The following TEX2 variants were observed in gnomAD, a reference collection of about 807,000 sequenced individuals.
TEX2 encodes testis-expressed protein 2.
Under a neutral mutation model 106.9 loss-of-function variants are expected in TEX2, and 53 were observed. The observed-to-expected ratio is 0.50, with a 90% CI of 0.40 to 0.62. The LOEUF (loss-of-function observed/expected upper bound fraction) is 0.62, where lower values mean the gene tolerates loss of function less well. Among genes scored for constraint, TEX2 ranks in the 20% least tolerant of loss-of-function variants. The pLI, the probability that TEX2 is intolerant of heterozygous loss-of-function variation, is 0.00. For missense variants in TEX2, 1,207 were observed against 1,379.0 expected, an observed-to-expected ratio of 0.88 and a Z score of 1.98; for synonymous variants, 523 against 534.8, an observed-to-expected ratio of 0.98 and a Z score of 0.30.
At chr17:64,187,269 C>T (rs538178679) in intron 5 of TEX2, among the ~76,000 whole-genome samples, 5 of 152,224 alleles carry the variant, frequency 3.3e-5, no homozygotes, top group East Asian at 1.9e-4. Context: ...TGGGCATAGC[C>T]GAGGAGACTG....
At chr17:64,221,934 T>C (rs569669230) in intron 1 of TEX2, among the ~76,000 whole-genome samples, 23 of 152,182 alleles carry the variant, frequency 1.5e-4, no homozygotes, top group Non-Finnish European at 1.9e-4. Context: ...AAATACTGTA[T>C]GATTCCACTT....
intron 9 of TEX2, 36 bp downstream of exon 9, chr17:64,154,806 G>A: frequency 6.5e-7 from 1 of 1,533,790 alleles, no homozygotes; most frequent in Non-Finnish European, 8.8e-7. Context: ...CCTGATCCCT[G>A]GAGACTCAGA....
chr17:64,233,186 AAC>A (rs1293858036), intron 1 of TEX2, among the ~76,000 whole-genome samples: 2 of 152,144 alleles, frequency 1.3e-5, no homozygotes, highest in Non-Finnish European at 2.9e-5. Context: ...CCCACCCCCA[AAC>A]ACACACACAT....
chr17:64,160,767 G>A lies in TEX2; in HGVS notation c.2804+34C>T, dbSNP rs746851153. 16 of 1,610,962 alleles carry A rather than the reference G, an allele frequency of 9.9e-6. No individual in the cohort carries two copies. The East Asian group carries it at 1.3e-4, about 13-fold the overall frequency. Reference sequence around the variant, plus strand: ...CTGGAGGGAGAAGCTGGTGCCCCAGGATTGGATTAGTAAATTCATATATAG... The same window carrying A: ...CTGGAGGGAGAAGCTGGTGCCCCAGAATTGGATTAGTAAATTCATATATAG... On this transcript the variant is annotated intron_variant, in intron 8 of 11. Transcript: ENST00000584379.
intron 1 of TEX2, among the ~76,000 whole-genome samples, chr17:64,258,730 C>T (rs970551121): frequency 6.6e-6 from 1 of 151,238 alleles, no homozygotes; most frequent in African/African-American, 2.4e-5. Context: ...GGGGATGGCA[C>T]TAAGAAATCA....
intron 5 of TEX2, among the ~76,000 whole-genome samples, chr17:64,181,953 A>G (rs1468422032): frequency 6.6e-6 from 1 of 152,060 alleles, no homozygotes; most frequent in African/African-American, 2.4e-5. Context: ...TACCCTTAAG[A>G]TGCACTAATT....
chr17:64,239,904 A>AAAAAAAAAAAG lies in TEX2; in HGVS notation c.-26+23263_-26+23264insCTTTTTTTTTT, dbSNP rs781859721. Among the ~76,000 whole-genome samples, 321 of 118,830 alleles carry AAAAAAAAAAAG rather than the reference A, an allele frequency of 2.7e-3. 19 individuals carry two copies. Among genetic ancestry groups the AAAAAAAAAAAG allele is most frequent in the South Asian group, 7.3e-3 (26 of 3,582 alleles). The allele number at this position is 118,830 out of a possible 152,430, so 78.0% of individuals were successfully genotyped here. On this transcript the variant is annotated intron_variant, in intron 1 of 11. Coordinates refer to ENST00000584379, the MANE Select transcript of TEX2 (RefSeq NM_001288732.2). ...AAAAAAAAAAAAAAAAAAAAAAAAA[A>AAAAAAAAAAAG]GCAGAGAAGATAAGAGAAGAGAAAT...
At chr17:64,163,061 C>A (rs968629787) in intron 7 of TEX2, among the ~76,000 whole-genome samples, 1 of 152,078 alleles carries the variant, frequency 6.6e-6, no homozygotes, top group Non-Finnish European at 1.5e-5. Flanking sequence ...CTCATGAGAC[C>A]CACTCACAGG....
rs2030482600 is a variant in TEX2 at position 64,153,842 on chromosome 17, G to A, written c.2931-688C>T. On this transcript the variant is annotated intron_variant, in intron 9 of 11. Transcript: ENST00000584379. The surrounding 1 kb of genome is among the most constrained non-coding windows in gnomAD (Gnocchi z 4.1). ...AGCTACTCGGGAGGCTAAAATGGGAGGATCACTTGAGCCCAGGAGGTTGAG... is the reference window on the plus strand; with the variant it reads ...AGCTACTCGGGAGGCTAAAATGGGAAGATCACTTGAGCCCAGGAGGTTGAG... 6.6e-6 allele frequency among the ~76,000 whole-genome samples: 1 copy of A among 152,208 alleles called. No individual in the cohort carries two copies. Among genetic ancestry groups the A allele is most frequent in the South Asian group, 2.1e-4 (1 of 4,834 alleles).
intron 10 of TEX2, among the ~76,000 whole-genome samples, chr17:64,151,833 A>T (rs1360000912): frequency 6.6e-6 from 1 of 152,150 alleles, no homozygotes; most frequent in East Asian, 1.9e-4. Flanking sequence ...AACTATTAAA[A>T]TTTTTTTAAG....
intron 7 of TEX2, among the ~76,000 whole-genome samples, chr17:64,167,637 G>A (rs1290994036): frequency 2.0e-5 from 3 of 151,992 alleles, no homozygotes; most frequent in Admixed American, 1.3e-4. Flanking sequence ...TGGCCAACAG[G>A]GAGAAACCCC....
intron 1 of TEX2, among the ~76,000 whole-genome samples, chr17:64,233,356 G>A (rs1703203846): frequency 1.3e-5 from 2 of 152,162 alleles, no homozygotes; most frequent in Admixed American, 6.5e-5. Flanking sequence ...GGTGGATCAC[G>A]AGGTCAGGAG....
At chr17:64,247,021 T>C (rs1006530261) in intron 1 of TEX2, among the ~76,000 whole-genome samples, 18 of 151,822 alleles carry the variant, frequency 1.2e-4, no homozygotes, top group African/African-American at 3.6e-4. Context: ...TGTAATTCTG[T>C]AATCCCAGCA....
At chr17:64,218,513 G>A (rs1366777196) in intron 1 of TEX2, among the ~76,000 whole-genome samples, 1 of 149,548 alleles carries the variant, frequency 6.7e-6, no homozygotes, top group African/African-American at 2.5e-5. Flanking sequence ...CCGCCTCCCA[G>A]GTTCAAGTGA....
At chr17:64,215,596 C>A (rs1202758839) in intron 1 of TEX2, among the ~76,000 whole-genome samples, 1 of 152,160 alleles carries the variant, frequency 6.6e-6, no homozygotes, top group African/African-American at 2.4e-5. Context: ...CTTTCTACAG[C>A]TGACTCTGTG....
intron 4 of TEX2, among the ~76,000 whole-genome samples, chr17:64,189,995 AAAAG>A (rs57599304): frequency 0.12 from 18,302 of 150,068 alleles, 1,363 homozygotes; most frequent in African/African-American, 0.22. Context: ...AAAAAAAAAA[AAAAG>A]AAAGAAAGAA....
intron 1 of TEX2, 131 bp from the exon 2 acceptor site, chr17:64,214,373 T>C: frequency 8.1e-6 from 6 of 740,782 alleles, no homozygotes; most frequent in Non-Finnish European, 1.3e-5. Flanking sequence ...ATGTCCACCG[T>C]TTTTCACTTC....
At chr17:64,211,106 G>A (rs1381787770) in intron 2 of TEX2, among the ~76,000 whole-genome samples, 4 of 152,078 alleles carry the variant, frequency 2.6e-5, no homozygotes, top group Non-Finnish European at 5.9e-5. Flanking sequence ...GATTACAGGT[G>A]CACGCCACCA....
chr17:64,201,818 G>A (rs1488889211), intron 2 of TEX2, among the ~76,000 whole-genome samples: 2 of 152,178 alleles, frequency 1.3e-5, no homozygotes, highest in African/African-American at 4.8e-5. Context: ...CACAAGAGCA[G>A]GGATCATCAT....
Sources: allele counts gnomAD v4.1 joint callset (sites outside exome capture counted in the v4.1 genomes callset), GRCh38; gene constraint gnomAD v4.1.1; non-coding constraint Gnocchi (gnomAD v3.1); transcripts MANE v1.5; gene names NCBI Gene and HGNC (gene_info 2026-07-23, HGNC 2026-07-21).